Variants in HSPG2 observed in about 807,000 individuals in gnomAD.
The protein encoded by HSPG2 is heparan sulfate proteoglycan 2.
Under a neutral mutation model 526.6 loss-of-function variants are expected in HSPG2, and 278 were observed. The ratio of observed to expected loss-of-function variants is 0.53; its 90% CI spans 0.48 to 0.58. The LOEUF is 0.58. HSPG2 is among the 20% of genes least tolerant of loss of function. The pLI, the probability that HSPG2 is intolerant of heterozygous loss-of-function variation, is 0.00. For synonymous variants in HSPG2, 2,465 were observed against 2,555.4 expected, an observed-to-expected ratio of 0.96 and a Z score of 1.07; for missense variants, 5,354 against 6,099.5, an observed-to-expected ratio of 0.88 and a Z score of 4.07.
intron 33 of HSPG2, among the ~76,000 whole-genome samples, chr1:21,867,339 T>C (rs1640321837): frequency 6.6e-6 from 1 of 152,052 alleles, no homozygotes; most frequent in African/African-American, 2.4e-5. Context: ...TCAGCCTCAG[T>C]CTCCCAAAGT....
In HSPG2 at chr1:21,860,216, C is replaced by T; in HGVS notation, c.4975G>A (p.Gly1659Ser). ...TGGCCCCCTTGCACACTGGGGTTAC[C>T]CACGTAACCTGGGCCACACCTGTAA... ...YCEQCGPGYV[G>S]NPSVQGGQCL... The change falls in exon 40 of 97, where the codon GGT becomes AGT. Residue 1659 changes from glycine (G) to serine (S), a missense_variant. Physicochemically the swap from Gly to Ser is moderately conservative, Grantham distance 56. Transcript: ENST00000374695. 1 of 1,613,674 alleles carries T rather than the reference C, an allele frequency of 6.2e-7. No individual in the cohort carries two copies. The highest frequency in any genetic ancestry group is 2.2e-5 in the East Asian group (1 of 44,866).
Position 21,828,351 on chromosome 1 carries a change from T to C in HSPG2, c.12313A>G (p.Ser4105Gly), listed in dbSNP as rs2097986004. ...CAAGGCTGGCGCTCACATGGGGAGCTATCATAGCATTGCCCGATGCCCTGG... is the reference window on the plus strand; with the variant it reads ...CAAGGCTGGCGCTCACATGGGGAGCCATCATAGCATTGCCCGATGCCCTGG... ...GSQGIGQCYD[S>G]SPCERQPCQH... is the part of the protein sequence containing the mutation. Residue 4105 changes from serine to glycine, a missense_variant, in exon 89 of 97, where the codon AGC becomes GGC. Coordinates refer to ENST00000374695, the MANE Select transcript of HSPG2 (RefSeq NM_005529.7). The surrounding 1 kb of genome is among the most constrained non-coding windows in gnomAD (Gnocchi z 6.0). 6.2e-7 allele frequency: 1 copy of C among 1,613,784 alleles called. No individual in the cohort carries two copies. Among genetic ancestry groups the C allele is most frequent in the Admixed American group, 1.7e-5 (1 of 60,016 alleles).
intron 64 of HSPG2, among the ~76,000 whole-genome samples, chr1:21,845,610 G>C (rs116238436): frequency 0.052 from 7,969 of 152,160 alleles, 699 homozygotes; most frequent in African/African-American, 0.18. Flanking sequence ...GAACTCATGA[G>C]CTCAGGCAAT....
At chr1:21,856,783 C>G (rs1386939164) in intron 44 of HSPG2, among the ~76,000 whole-genome samples, 1 of 152,206 alleles carries the variant, frequency 6.6e-6, no homozygotes, top group Non-Finnish European at 1.5e-5. Flanking sequence ...GTGTAGTTAT[C>G]TTGCTTGTTC....
chr1:21,841,060 T>G (rs1040765303), intron 71 of HSPG2, 41 bp downstream of exon 71: 4 of 1,557,182 alleles, frequency 2.6e-6, no homozygotes, highest in Non-Finnish European at 3.5e-6. Flanking sequence ...GGCTGGGCCA[T>G]GGACTGGGCC....
chr1:21,872,402 G>A lies in HSPG2; in HGVS notation c.4030-25C>T, dbSNP rs749473868. On this transcript the variant is annotated intron_variant, in intron 32 of 96. Coordinates refer to ENST00000374695, the MANE Select transcript of HSPG2 (RefSeq NM_005529.7). The surrounding 1 kb of genome is among the most constrained non-coding windows in gnomAD (Gnocchi z 5.5). Reference sequence around the variant, plus strand: ...TCTGGCAGGGGAAAAAGGAGGGGGCGTCAGCCTGAGCACCGGGGTGCCTTG... The same window carrying A: ...TCTGGCAGGGGAAAAAGGAGGGGGCATCAGCCTGAGCACCGGGGTGCCTTG... 9.1e-6 allele frequency: 14 copies of A among 1,544,144 alleles called. No homozygotes were observed. The East Asian group carries it at 1.2e-4, about 13-fold the overall frequency.
chr1:21,830,686 G>C, intron 85 of HSPG2: 1 of 271,996 alleles, frequency 3.7e-6, no homozygotes, highest in East Asian at 6.8e-5. Flanking sequence ...GCGAAACTTC[G>C]TCTCAAAAAA....
Position 21,829,587 on chromosome 1 carries a change from G to T in HSPG2, c.11788C>A (p.Pro3930Thr), listed in dbSNP as rs1419830008. 6 of 1,606,998 alleles carry T rather than the reference G, an allele frequency of 3.7e-6. No individual in the cohort carries two copies. The highest frequency in any genetic ancestry group is 5.1e-6 in the Non-Finnish European group (6 of 1,175,948). Residue 3930 changes from proline (P) to threonine (T), a missense_variant, in exon 87 of 97, where the codon CCC (proline) becomes ACC (threonine). Transcript: ENST00000374695. Reference sequence around the variant, plus strand: ...TAGGAGCCAGCACCCGACAGCGAGGGGGTGGTCACTGTCACACCTGCAGCA... The same window carrying T: ...TAGGAGCCAGCACCCGACAGCGAGGTGGTGGTCACTGTCACACCTGCAGCA... Reference protein sequence around the residue: ...RCEEGVTVTTPSLSGAGSYLA... With the variant: ...RCEEGVTVTTTSLSGAGSYLA...
At chr1:21,870,398 C>T (rs1211073465) in intron 33 of HSPG2, 4 of 550,206 alleles carry the variant, frequency 7.3e-6, no homozygotes, top group Non-Finnish European at 9.1e-6. Flanking sequence ...TACCCACGGA[C>T]ATGGTAGTCA....
Position 21,823,711 on chromosome 1 carries a change from C to T in HSPG2, c.12908G>A (p.Arg4303His), listed in dbSNP as rs199715708. 4.2e-5 allele frequency: 67 copies of T among 1,613,132 alleles called. No individual in the cohort carries two copies. The highest frequency in any genetic ancestry group is 2.7e-4 in the South Asian group (25 of 91,092). The change falls in exon 96 of 97, where the codon CGC becomes CAC. Residue 4303 changes from arginine (R) to histidine (H), a missense_variant. Coordinates refer to ENST00000374695, the MANE Select transcript of HSPG2 (RefSeq NM_005529.7). Reference sequence around the variant, plus strand: ...ACCGTCGACTTGGATGGAACCTCTGCGGCCCTCCCTGCAGTGGAACTGGGT... The same window carrying T: ...ACCGTCGACTTGGATGGAACCTCTGTGGCCCTCCCTGCAGTGGAACTGGGT... The part of the protein sequence containing the change: ...WHRVTALREG[R>H]RGSIQVDGEE...
rs764233594 is a variant in HSPG2, at chr1:21,873,010, T to C, written c.3875A>G (p.Gln1292Arg). The change falls in exon 31 of 97, where the codon CAG becomes CGG. Residue 1292 changes from glutamine to arginine, a missense_variant. By Grantham distance (43) the Gln-to-Arg change is conservative. Coordinates refer to ENST00000374695, the MANE Select transcript of HSPG2 (RefSeq NM_005529.7). ...ATTCGGACTGACCTTGCACTGGCAC[T>C]GACCAGCAGCATCACACTGGCTGCT... ...SVSSQCDAAG[Q>R]CQCKAQVEGL... is the part of the protein sequence containing the mutation. 1.8e-5 allele frequency: 29 copies of C among 1,610,412 alleles called. No individual in the cohort carries two copies. In the Admixed American group the frequency reaches 4.7e-4, roughly 26 times the overall value.
chr1:21,922,429 C>T (rs1644065898), intron 1 of HSPG2, among the ~76,000 whole-genome samples: 1 of 152,178 alleles, frequency 6.6e-6, no homozygotes. Flanking sequence ...CCTTTCAGCT[C>T]CTTAGCCAGG....
rs950739833 is a variant in HSPG2, at chr1:21,890,248, G to A, written c.414-107C>T. The A allele has an allele frequency of 7.6e-6, 11 of 1,442,674 alleles. No homozygotes were observed. The highest frequency in any genetic ancestry group is 4.4e-4 in the Middle Eastern group (2 of 4,540). The allele number at this position is 1,442,674 out of a possible 1,614,324, so 89.4% of individuals were successfully genotyped here. On this transcript the variant is annotated intron_variant, in intron 5 of 96. Transcript: ENST00000374695. The surrounding 1 kb of genome is among the most constrained non-coding windows in gnomAD (Gnocchi z 4.1). ...CTCAGGCCCTGTTCCGGGACAGCCT[G>A]TACCCAAAGAAGGGCAACTAAAGGT...
chr1:21,927,192 C>T, intron 1 of HSPG2, among the ~76,000 whole-genome samples: 1 of 152,144 alleles, frequency 6.6e-6, no homozygotes, highest in Non-Finnish European at 1.5e-5. Context: ...CTCCCCTTCC[C>T]CACCGACTGG....
intron 3 of HSPG2, among the ~76,000 whole-genome samples, chr1:21,891,187 C>T (rs529506687): frequency 8.9e-4 from 135 of 152,348 alleles, no homozygotes; most frequent in Non-Finnish European, 1.8e-3. Flanking sequence ...CCTGCTTTCC[C>T]TAGCAGAGCA....
In HSPG2 at chr1:21,887,588, G is replaced by T. The variant is rs748430221; in HGVS notation, c.790C>A (p.Arg264=). The T allele has an allele frequency of 5.0e-6, 8 of 1,614,084 alleles. No homozygotes were observed. The East Asian group carries it at 6.7e-5, about 13-fold the overall frequency. ...LPPRPETTIM[R]QPPVTHAPQP... Reference sequence around the variant, plus strand: ...GGAGCGTGGGTGACTGGTGGCTGTCGCATGATGGTTGTCTCTGGCCGGGGC... The same window carrying T: ...GGAGCGTGGGTGACTGGTGGCTGTCTCATGATGGTTGTCTCTGGCCGGGGC... Residue 264 remains arginine, a synonymous_variant, in exon 8 of 97, where the codon CGA becomes AGA. Transcript: ENST00000374695. This position sits in a 1 kb window ranked among gnomAD's most constrained non-coding sequence, Gnocchi z 5.0.
In HSPG2 at chr1:21,843,223, A is replaced by G. The variant is rs2098056847; in HGVS notation, c.8758+74T>C. 11 of 1,594,712 alleles carry G rather than the reference A, an allele frequency of 6.9e-6. No individual in the cohort carries two copies. In the Admixed American group the frequency reaches 1.7e-4, roughly 24 times the overall value. ...GCAACAATAAGTGCCCGGCTGGGAGAGAGGAGAGGAGCAGAGCTGGGAAGG... is the reference window on the plus strand; with the variant it reads ...GCAACAATAAGTGCCCGGCTGGGAGGGAGGAGAGGAGCAGAGCTGGGAAGG... On this transcript the variant is annotated intron_variant, in intron 66 of 96. Coordinates refer to ENST00000374695, the MANE Select transcript of HSPG2 (RefSeq NM_005529.7).
chr1:21,851,996 C>G, intron 53 of HSPG2, 70 bp from the exon 54 acceptor site: 1 of 1,610,092 alleles, frequency 6.2e-7, no homozygotes. Flanking sequence ...CGCTGTCCCC[C>G]CGATCTAGGA....
Position 21,832,495 on chromosome 1 carries a change from C to G in HSPG2, c.11207G>C (p.Arg3736Pro), listed in dbSNP as rs984839674. ...TAGGTGGGGAGGCTGGGGGTCTCAC[C>G]GGAACTCGGGCCTTCCCCCCACGAG... is the stretch of plus-strand genomic sequence containing the variant. ...FGLVGGRPEF[R>P]FDAGSGMATI... Residue 3736 changes from arginine to proline, a missense_variant and splice_region_variant, in exon 81 of 97, where the codon CGG becomes CCG. Physicochemically the swap from Arg to Pro is moderately radical, Grantham distance 103. Coordinates refer to ENST00000374695, the MANE Select transcript of HSPG2 (RefSeq NM_005529.7). The G allele has an allele frequency of 1.2e-6, 2 of 1,613,666 alleles. No homozygotes were observed. Among genetic ancestry groups the G allele is most frequent in the Non-Finnish European group, 1.7e-6 (2 of 1,179,548 alleles).
Sources: allele counts gnomAD v4.1 joint callset (sites outside exome capture counted in the v4.1 genomes callset), GRCh38; gene constraint gnomAD v4.1.1; non-coding constraint Gnocchi (gnomAD v3.1); transcripts MANE v1.5; gene names NCBI Gene and HGNC (gene_info 2026-07-23, HGNC 2026-07-21).